MEGF10: variants seen among roughly 807,000 people sequenced by gnomAD.
The protein encoded by MEGF10 is multiple EGF like domains 10.
A neutral mutation model predicts 147.5 loss-of-function variants in MEGF10; 86 were observed. That is an observed-to-expected ratio of 0.58 (90% CI 0.49 to 0.70). MEGF10 has a LOEUF of 0.70. Ranked by LOEUF, MEGF10 falls within the 30% of genes least tolerant of loss-of-function variation. The probability of loss-of-function intolerance (pLI) is 0.00; values close to 1 mark genes in which losing one functional copy is unlikely to be tolerated. For missense variants in MEGF10, 1,329 were observed against 1,487.3 expected (o/e 0.89, Z 1.75); for synonymous variants, 478 against 525.5 (o/e 0.91, Z 1.24).
At chr5:127,264,971 G>A in the MEGF10 span, among the ~76,000 whole-genome samples, 1 of 151,950 alleles carries the variant, frequency 6.6e-6, no homozygotes, top group Non-Finnish European at 1.5e-5. Flanking sequence ...ACAACGTGCA[G>A]GTTTGTTACA....
rs548979267 is a variant in MEGF10, at chr5:127,457,944, T to C, written c.*626T>C. On this transcript the variant is annotated 3_prime_UTR_variant, in exon 25 of 25. Coordinates refer to ENST00000503335, the MANE Select transcript of MEGF10 (RefSeq NM_001256545.2). Reference sequence around the variant, plus strand: ...CGAAAATCTTAGATTTTGTTTAGAATGAGAAAATATACAATTAGAATTATT... The same window carrying C: ...CGAAAATCTTAGATTTTGTTTAGAACGAGAAAATATACAATTAGAATTATT... 6.6e-6 allele frequency: 1 copy of C among 152,196 alleles called. No individual in the cohort carries two copies. The highest frequency in any genetic ancestry group is 2.4e-5 in the African/African-American group (1 of 41,416). 9.4% of individuals were successfully genotyped at this position (152,196 alleles called of 1,614,324 possible).
chr5:127,233,109 G>T, the MEGF10 span, among the ~76,000 whole-genome samples: 1 of 152,194 alleles, frequency 6.6e-6, no homozygotes, highest in East Asian at 1.9e-4. Context: ...AAGTTGTCAT[G>T]AACTGTTGAA....
At chr5:127,298,532 C>T (rs961109124) in intron 1 of MEGF10, among the ~76,000 whole-genome samples, 1 of 152,148 alleles carries the variant, frequency 6.6e-6, no homozygotes, top group Non-Finnish European at 1.5e-5. Context: ...CTGGCTCCTC[C>T]CTAGATTTTG....
At chr5:127,434,652 A>G (rs749036352) in intron 14 of MEGF10, 35 bp from the exon 15 acceptor site, 7 of 1,579,438 alleles carry the variant, frequency 4.4e-6, no homozygotes, top group Non-Finnish European at 5.2e-6. Flanking sequence ...AACGCATCTC[A>G]GAAGGATAAC....
At chr5:127,239,476 A>ATT in the MEGF10 span, among the ~76,000 whole-genome samples, 2 of 142,530 alleles carry the variant, frequency 1.4e-5, 1 homozygote, top group South Asian at 4.4e-4. Flanking sequence ...ATATATATAT[A>ATT]ATATATATAC....
At chr5:127,389,720 C>T (rs1051733554) in intron 5 of MEGF10, among the ~76,000 whole-genome samples, 2 of 152,038 alleles carry the variant, frequency 1.3e-5, no homozygotes, top group Admixed American at 6.5e-5. Flanking sequence ...AGCTAAATAC[C>T]GAGAACACAT....
chr5:127,314,416 G>A (rs1760432235), intron 1 of MEGF10, among the ~76,000 whole-genome samples: 1 of 152,162 alleles, frequency 6.6e-6, no homozygotes, highest in Non-Finnish European at 1.5e-5. Flanking sequence ...AGGTGGGATT[G>A]GTTATGTCAA....
chr5:127,403,164 C>T (rs773052887), intron 8 of MEGF10, among the ~76,000 whole-genome samples: 8 of 152,174 alleles, frequency 5.3e-5, no homozygotes, highest in Non-Finnish European at 1.0e-4. Context: ...CCTCTGGTCC[C>T]ACACGAAACA....
At chr5:127,258,588 G>A in the MEGF10 span, among the ~76,000 whole-genome samples, 1 of 152,106 alleles carries the variant, frequency 6.6e-6, no homozygotes, top group African/African-American at 2.4e-5. Context: ...AGGTTTGTTT[G>A]TTTCTTCCAA....
At chr5:127,289,899 C>T (rs537337824), upstream of MEGF10, among the ~76,000 whole-genome samples, 13 of 152,108 alleles carry the variant, frequency 8.5e-5, no homozygotes, top group Non-Finnish European at 1.2e-4. Flanking sequence ...TAGAATTCAA[C>T]GACACAAGAA....
intron 1 of MEGF10, among the ~76,000 whole-genome samples, chr5:127,314,833 G>T (rs1478865324): frequency 9.2e-5 from 14 of 152,168 alleles, no homozygotes; most frequent in Admixed American, 8.5e-4. Flanking sequence ...TAAGTTAAAT[G>T]ATTAGGAAGT....
At position 127,326,996 on chromosome 5, in the gene MEGF10, TAAAG is replaced by T. The variant is rs759082736; in HGVS notation, c.-18-4291_-18-4288del. ...TATTTATTTCTCTTTAACTCAATGA[TAAAG>T]AAACTACTGCTTATCATCAGAACTA... On this transcript the variant is annotated intron_variant, in intron 1 of 24. Transcript: ENST00000503335. 5.9e-5 allele frequency among the ~76,000 whole-genome samples: 9 copies of T among 152,310 alleles called. No individual in the cohort carries two copies. In the South Asian group the frequency reaches 6.2e-4, roughly 11 times the overall value.
At chr5:127,280,884 C>T in the MEGF10 span, among the ~76,000 whole-genome samples, 14 of 152,320 alleles carry the variant, frequency 9.2e-5, no homozygotes, top group South Asian at 2.7e-3. Context: ...AGGGCATATA[C>T]TTGCTTCTTA....
intron 18 of MEGF10, among the ~76,000 whole-genome samples, chr5:127,441,715 T>G (rs941853443): frequency 2.0e-5 from 3 of 152,094 alleles, no homozygotes; most frequent in Non-Finnish European, 4.4e-5. Flanking sequence ...GTTGTACTCT[T>G]GGGAAGGATC....
Position 127,435,346 on chromosome 5 carries a change from A to G in MEGF10, c.1976-15A>G. The G allele has an allele frequency of 6.2e-7, 1 of 1,613,656 alleles. No individual in the cohort carries two copies. The highest frequency in any genetic ancestry group is 8.5e-7 in the Non-Finnish European group (1 of 1,179,816). ...GGTTTTGATTGTGAGTTACTGACCT[A>G]TAGCTTATTCACAGTGTGTCCCAGT... On this transcript the variant is annotated splice_polypyrimidine_tract_variant and intron_variant, in intron 15 of 24. Transcript: ENST00000503335.
intron 8 of MEGF10, among the ~76,000 whole-genome samples, chr5:127,406,206 AC>A (rs1198821445): frequency 6.6e-6 from 1 of 152,184 alleles, no homozygotes; most frequent in African/African-American, 2.4e-5. Flanking sequence ...ATGAGCTTAT[AC>A]CTATTTCATC....
intron 1 of MEGF10, among the ~76,000 whole-genome samples, chr5:127,294,835 T>TAATAATAATAATTATAATAAA (rs56033520): frequency 9.1e-5 from 13 of 143,142 alleles, no homozygotes; most frequent in African/African-American, 2.9e-4. Flanking sequence ...ATAATAATAA[T>TAATAATAATAATTATAATAAA]AAATAACTTG....
chr5:127,251,008 C>T, the MEGF10 span, among the ~76,000 whole-genome samples: 2 of 151,920 alleles, frequency 1.3e-5, no homozygotes, highest in Non-Finnish European at 2.9e-5. Flanking sequence ...CTTTTCTAAA[C>T]AGAAGACAAT....
chr5:127,345,993 C>T (rs1027503896), intron 4 of MEGF10, among the ~76,000 whole-genome samples: 3 of 152,126 alleles, frequency 2.0e-5, no homozygotes, highest in African/African-American at 7.2e-5. Context: ...TAACGGTTCC[C>T]AATTCCATCC....
Sources: gnomAD v4.1 joint callset for allele counts (sites outside exome capture counted in the v4.1 genomes callset) on GRCh38, gnomAD v4.1.1 for gene constraint, MANE v1.5 for transcripts, NCBI Gene and HGNC (gene_info 2026-07-23, HGNC 2026-07-21) for gene names.